Variants in ZNF793 observed in about 807,000 individuals in gnomAD.
The protein encoded by ZNF793 is zinc finger protein 793.
ZNF793 carries 5 observed loss-of-function variants against 12.4 expected under a neutral mutation model. The ratio of observed to expected loss-of-function variants is 0.40; its 90% CI spans 0.21 to 0.84. ZNF793 has a LOEUF of 0.84. Among genes scored for constraint, ZNF793 ranks in the 40% least tolerant of loss-of-function variants. The probability of loss-of-function intolerance (pLI) is 0.35; values close to 1 mark genes in which losing one functional copy is unlikely to be tolerated. For synonymous variants in ZNF793, 162 were observed against 172.4 expected, an observed-to-expected ratio of 0.94 and a Z score of 0.47; for missense variants, 456 against 495.0, an observed-to-expected ratio of 0.92 and a Z score of 0.75.
chr19:37,534,171 T>C (rs2042484702), intron 7 of ZNF793: 1 of 152,192 alleles, frequency 6.6e-6, no homozygotes, highest in African/African-American at 2.4e-5. Flanking sequence ...CTCCCGTTTT[T>C]CCAGCTACTC....
intron 7 of ZNF793, chr19:37,536,163 T>G: frequency 3.4e-6 from 1 of 298,372 alleles, no homozygotes. Context: ...CTAGTTAGCT[T>G]TGTTGATTTT....
At chr19:37,524,986 C>T (rs1302875985) in intron 5 of ZNF793, among the ~76,000 whole-genome samples, 1 of 152,148 alleles carries the variant, frequency 6.6e-6, no homozygotes, top group Admixed American at 6.6e-5. Context: ...CAAGTGCTAG[C>T]TCCCCAATGA....
At chr19:37,533,150 C>T (rs2042475451) in intron 6 of ZNF793, among the ~76,000 whole-genome samples, 158 bp from the exon 7 acceptor site, 2 of 152,118 alleles carry the variant, frequency 1.3e-5, no homozygotes, top group African/African-American at 4.8e-5. Context: ...GCTTGAGTTT[C>T]CATGGTCCTG....
At chr19:37,520,800 A>G (rs1440280321) in intron 3 of ZNF793, among the ~76,000 whole-genome samples, 2 of 151,900 alleles carry the variant, frequency 1.3e-5, no homozygotes, top group Non-Finnish European at 2.9e-5. Flanking sequence ...TGATTAGTTC[A>G]CTCCATCCTG....
intron 1 of ZNF793, among the ~76,000 whole-genome samples, chr19:37,507,930 T>C (rs1029500794): frequency 5.3e-5 from 8 of 152,184 alleles, no homozygotes; most frequent in Admixed American, 4.6e-4. Flanking sequence ...ACTATGCGTG[T>C]CTGATTAGGA....
chr19:37,530,255 GC>G (rs1205023932), intron 5 of ZNF793, among the ~76,000 whole-genome samples: 1 of 152,036 alleles, frequency 6.6e-6, no homozygotes, highest in African/African-American at 2.4e-5. Context: ...ACATTCCATT[GC>G]CCAGGGACGG....
At chr19:37,518,423 T>C (rs888027580) in intron 2 of ZNF793, among the ~76,000 whole-genome samples, 2 of 151,740 alleles carry the variant, frequency 1.3e-5, no homozygotes, top group African/African-American at 4.8e-5. Flanking sequence ...AAATGGCACC[T>C]GGCCTCCACT....
At position 37,540,029 on chromosome 19, in the gene ZNF793, TC is replaced by T. The variant is rs2042541099; in HGVS notation, c.*2153del. 6.6e-6 allele frequency: 1 copy of T among 152,066 alleles called. No individual in the cohort carries two copies. The allele number at this position is 152,066 out of a possible 1,614,324, so 9.4% of individuals were successfully genotyped here. On this transcript the variant is annotated 3_prime_UTR_variant, in exon 8 of 8. Coordinates refer to ENST00000627814, the MANE Select transcript of ZNF793 (RefSeq NM_001013659.3). ...TGGGTGCGGTGGCTCACGCCTGTAA[TC>T]CCAACACTTTGGGAGGCCGAGGCAG...
Position 37,537,515 on chromosome 19 carries a change from T to A in ZNF793, c.857T>A (p.Phe286Tyr). 6.2e-7 allele frequency: 1 copy of A among 1,614,108 alleles called. No homozygotes were observed. The highest frequency in any genetic ancestry group is 8.5e-7 in the Non-Finnish European group (1 of 1,179,988). Residue 286 changes from phenylalanine (F) to tyrosine (Y), a missense_variant, in exon 8 of 8, where the codon TTT becomes TAT. Physicochemically the swap from Phe to Tyr is conservative, Grantham distance 22. Coordinates refer to ENST00000627814, the MANE Select transcript of ZNF793 (RefSeq NM_001013659.3). ...ACTGGGGTAAGACCCTTTGAATGTTTTTTTTGTGGGAAAGCCTTTACCCAG... is the reference window on the plus strand; with the variant it reads ...ACTGGGGTAAGACCCTTTGAATGTTATTTTTGTGGGAAAGCCTTTACCCAG... ...IHTGVRPFECFFCGKAFTQKS... is the reference protein window; with the variant it reads ...IHTGVRPFECYFCGKAFTQKS...
chr19:37,530,067 A>C (rs1394337675), intron 5 of ZNF793, among the ~76,000 whole-genome samples: 1 of 152,126 alleles, frequency 6.6e-6, no homozygotes, highest in African/African-American at 2.4e-5. Context: ...ACACGTGAAC[A>C]AAGGTCTCTG....
chr19:37,524,746 C>T (rs563812097), intron 5 of ZNF793, among the ~76,000 whole-genome samples: 86 of 152,288 alleles, frequency 5.6e-4, no homozygotes, highest in Non-Finnish European at 1.1e-3. Context: ...CGGCAGGCTC[C>T]GCCCCTGGCC....
Position 37,537,362 on chromosome 19 carries a change from C to G in ZNF793, c.704C>G (p.Ala235Gly), listed in dbSNP as rs374852408. The G allele has an allele frequency of 2.5e-6, 4 of 1,612,848 alleles. 1 individual carries two copies. Among genetic ancestry groups the G allele is most frequent in the Non-Finnish European group, 3.4e-6 (4 of 1,179,428 alleles). The part of the protein sequence containing the change: ...KPHVCSECGK[A>G]FCYKSEFIRH... ...CACGTCTGTAGTGAGTGTGGGAAAG[C>G]CTTCTGCTACAAGTCTGAATTCATT... The change falls in exon 8 of 8, where the codon GCC becomes GGC. Residue 235 changes from alanine (A) to glycine (G), a missense_variant. Physicochemically the swap from Ala to Gly is moderately conservative, Grantham distance 60. Transcript: ENST00000627814.
chr19:37,532,598 G>T (rs900216593), intron 6 of ZNF793, 116 bp downstream of exon 6: 6 of 1,220,136 alleles, frequency 4.9e-6, no homozygotes, highest in Non-Finnish European at 6.6e-6. Context: ...ATCACCTGAG[G>T]TCAGGAGTTT....
chr19:37,533,319 A>T lies in ZNF793; in HGVS notation c.154A>T (p.Thr52Ser). The T allele has an allele frequency of 1.2e-6, 2 of 1,613,946 alleles. No individual in the cohort carries two copies. Among genetic ancestry groups the T allele is most frequent in the Non-Finnish European group, 1.7e-6 (2 of 1,179,874 alleles). The change falls in exon 7 of 8, where the codon ACC (threonine) becomes TCC (serine). Residue 52 changes from threonine (T) to serine (S), a missense_variant. By Grantham distance (58) the Thr-to-Ser change is moderately conservative. Coordinates refer to ENST00000627814, the MANE Select transcript of ZNF793 (RefSeq NM_001013659.3). ...TTTCCCCGGAACAGGTTATGAAGGCACCAAACCAGATGTGATCCTCAGACT... is the reference window on the plus strand; with the variant it reads ...TTTCCCCGGAACAGGTTATGAAGGCTCCAAACCAGATGTGATCCTCAGACT... ...SNLVSVGYEG[T>S]KPDVILRLEQ...
chr19:37,537,633 C>A lies in ZNF793; in HGVS notation c.975C>A (p.Tyr325Ter), dbSNP rs751588336. ...ECGKSFGEKS[Y>*]LNVHRKMHTG... ...GGAAATCGTTTGGTGAGAAGTCATA[C>A]CTCAATGTACATCGAAAAATGCACA... is the stretch of plus-strand genomic sequence containing the variant. The change falls in exon 8 of 8, where the codon TAC (tyrosine) becomes TAA (stop). Residue 325 changes from tyrosine (Y) to a stop codon, truncating the protein, a stop_gained. Transcript: ENST00000627814. LOFTEE classifies it low-confidence loss of function (END_TRUNC). The A allele has an allele frequency of 1.9e-6, 3 of 1,613,988 alleles. No individual in the cohort carries two copies. Among genetic ancestry groups the A allele is most frequent in the Non-Finnish European group, 2.5e-6 (3 of 1,180,012 alleles).
rs1373170294 is a variant in ZNF793 at position 37,542,370 on chromosome 19, G to T, written c.*4491G>T. ...ATCGCGCCATTGCACTCCAACCTGG[G>T]CAACAGAGCAAAAAGATTCCATCTC... On this transcript the variant is annotated 3_prime_UTR_variant, in exon 8 of 8. Transcript: ENST00000627814. The T allele has an allele frequency of 3.0e-6, 1 of 338,936 alleles. No individual in the cohort carries two copies. Among genetic ancestry groups the T allele is most frequent in the Non-Finnish European group, 5.9e-6 (1 of 168,420 alleles). The allele number at this position is 338,936 out of a possible 1,614,324, so 21.0% of individuals were successfully genotyped here. A position where few individuals can be genotyped will look rare whatever the true frequency, so the allele number is the denominator to read the frequency against.
rs369737171 is a variant in ZNF793, at chr19:37,537,911, A to ATT, written c.*49_*50dup. ...TATCTGGTTTCATGGTATGTAGGGA[A>ATT]TTTTTTTTTTTTTTTTTTGAGTTGG... On this transcript the variant is annotated 3_prime_UTR_variant, in exon 8 of 8. Coordinates refer to ENST00000627814, the MANE Select transcript of ZNF793 (RefSeq NM_001013659.3). The ATT allele has an allele frequency of 1.1e-3, 1,538 of 1,346,700 alleles. No homozygotes were observed. The highest frequency in any genetic ancestry group is 2.3e-3 in the African/African-American group (146 of 64,236). 83.4% of individuals were successfully genotyped at this position (1,346,700 alleles called of 1,614,324 possible). A position where few individuals can be genotyped will look rare whatever the true frequency, so the allele number is the denominator to read the frequency against.
In ZNF793 at chr19:37,542,630, A is replaced by G; in HGVS notation, c.*4751A>G. 1 of 222,842 alleles carries G rather than the reference A, an allele frequency of 4.5e-6. No homozygotes were observed. Among genetic ancestry groups the G allele is most frequent in the Non-Finnish European group, 9.4e-6 (1 of 106,446 alleles). The allele number at this position is 222,842 out of a possible 1,614,324, so 13.8% of individuals were successfully genotyped here. On this transcript the variant is annotated 3_prime_UTR_variant, in exon 8 of 8. Coordinates refer to ENST00000627814, the MANE Select transcript of ZNF793 (RefSeq NM_001013659.3). The stretch of plus-strand genomic sequence containing the variant: ...TGTAGAAAGGAAAAAACTATAGTGT[A>G]TCCATTCCATAGAATGTTAATATAG...
intron 5 of ZNF793, among the ~76,000 whole-genome samples, chr19:37,528,965 G>T (rs1281987102): frequency 6.6e-6 from 1 of 151,978 alleles, no homozygotes; most frequent in Admixed American, 6.6e-5. Flanking sequence ...ACATGTCCAC[G>T]TGGTCCCCAG....
Sources: gnomAD v4.1 joint callset for allele counts (sites outside exome capture counted in the v4.1 genomes callset) on GRCh38, gnomAD v4.1.1 for gene constraint, MANE v1.5 for transcripts, NCBI Gene and HGNC (gene_info 2026-07-23, HGNC 2026-07-21) for gene names.